KCND3: variants seen among roughly 807,000 people sequenced by gnomAD.
The protein encoded by KCND3 is A-type voltage-gated potassium channel KCND3.
A neutral mutation model predicts 51.1 loss-of-function variants in KCND3; 9 were observed. That is an observed-to-expected ratio of 0.18 (90% CI 0.11 to 0.31). The LOEUF (loss-of-function observed/expected upper bound fraction) is 0.31. Ranked by LOEUF, KCND3 falls within the 10% of genes least tolerant of loss-of-function variation. The pLI is 1.00. For synonymous variants in KCND3, 349 were observed against 368.0 expected, an observed-to-expected ratio of 0.95 and a Z score of 0.59; for missense variants, 526 against 903.8, an observed-to-expected ratio of 0.58 and a Z score of 5.36.
At chr1:111,814,503 G>A (rs1183874110) in intron 2 of KCND3, among the ~76,000 whole-genome samples, 16 of 152,216 alleles carry the variant, frequency 1.1e-4, no homozygotes, top group Admixed American at 1.0e-3. Flanking sequence ...AACTTAGCAC[G>A]AGCTCTGCGT....
In KCND3 at chr1:111,922,652, C is replaced by T. The variant is rs115811611; in HGVS notation, c.1106+58969G>A. ...GTTAGGAAGATTAATTCAGTTAATA[C>T]ATGTAAGGGCTCTGAACAGTACCTG... is the stretch of plus-strand genomic sequence containing the variant. On this transcript the variant is annotated intron_variant, in intron 2 of 7. Coordinates refer to ENST00000302127, the MANE Select transcript of KCND3 (RefSeq NM_001378969.1). Among the ~76,000 whole-genome samples the T allele has an allele frequency of 2.4e-3, 363 of 152,296 alleles. 3 individuals are homozygous for T. The highest frequency in any genetic ancestry group is 8.5e-3 in the African/African-American group (353 of 41,548).
At chr1:111,827,265 G>A (rs2101611383) in intron 2 of KCND3, among the ~76,000 whole-genome samples, 1 of 152,344 alleles carries the variant, frequency 6.6e-6, no homozygotes, top group East Asian at 1.9e-4. Context: ...TTGCCCATGA[G>A]TGAAAGCAGA....
At chr1:111,920,606 G>A (rs1671432145) in intron 2 of KCND3, among the ~76,000 whole-genome samples, 1 of 152,216 alleles carries the variant, frequency 6.6e-6, no homozygotes, top group South Asian at 2.1e-4. Flanking sequence ...TGCAGCCCCT[G>A]TGGGGGTCCA....
At chr1:111,865,911 G>A (rs1445491783) in intron 2 of KCND3, among the ~76,000 whole-genome samples, 1 of 152,122 alleles carries the variant, frequency 6.6e-6, no homozygotes, top group African/African-American at 2.4e-5. Flanking sequence ...TCACCATGTT[G>A]CCTAGGCTGG....
At chr1:111,911,783 C>T (rs59015726) in intron 2 of KCND3, among the ~76,000 whole-genome samples, 4 of 152,132 alleles carry the variant, frequency 2.6e-5, no homozygotes, top group Non-Finnish European at 5.9e-5. Flanking sequence ...GAAAGTCATA[C>T]AAAATATATG....
At chr1:111,849,509 G>A (rs2101660068) in intron 2 of KCND3, among the ~76,000 whole-genome samples, 1 of 152,310 alleles carries the variant, frequency 6.6e-6, no homozygotes, top group African/African-American at 2.4e-5. Context: ...CAGTGCCCCT[G>A]AGTCCCTCTA....
rs1430593612 is a variant in KCND3, at chr1:111,981,244, T to C, written c.1106+377A>G. 1.3e-5 allele frequency among the ~76,000 whole-genome samples: 2 copies of C among 151,834 alleles called. No individual in the cohort carries two copies. The highest frequency in any genetic ancestry group is 6.6e-5 in the Admixed American group (1 of 15,248). On this transcript the variant is annotated intron_variant, in intron 2 of 7. Coordinates refer to ENST00000302127, the MANE Select transcript of KCND3 (RefSeq NM_001378969.1). This position sits in a 1 kb window ranked among gnomAD's most constrained non-coding sequence, Gnocchi z 6.2. The stretch of plus-strand genomic sequence containing the variant: ...CCGAACTTCTCAACAGTCTCCTCCC[T>C]CCCCAACAACTGCCCTGACCTTCTC...
intron 2 of KCND3, among the ~76,000 whole-genome samples, chr1:111,913,993 C>G (rs534064516): frequency 2.6e-5 from 4 of 152,086 alleles, no homozygotes; most frequent in Non-Finnish European, 4.4e-5. Flanking sequence ...TAGAAAATGA[C>G]TCAGAAATGC....
At chr1:111,877,263 G>A (rs920684432) in intron 2 of KCND3, among the ~76,000 whole-genome samples, 3 of 152,234 alleles carry the variant, frequency 2.0e-5, no homozygotes, top group Non-Finnish European at 2.9e-5. Context: ...TGTCTGAAGC[G>A]TCAATGATCT....
At chr1:111,927,927 C>T (rs1416990264) in intron 2 of KCND3, among the ~76,000 whole-genome samples, 1 of 152,128 alleles carries the variant, frequency 6.6e-6, no homozygotes, top group Non-Finnish European at 1.5e-5. Context: ...CGTTCCTCTT[C>T]CCAGACACAG....
At chr1:111,887,411 C>T (rs986950776) in intron 2 of KCND3, among the ~76,000 whole-genome samples, 3 of 152,054 alleles carry the variant, frequency 2.0e-5, no homozygotes, top group African/African-American at 7.2e-5. Context: ...GGTGGTCATA[C>T]CAGAGAAGGA....
At chr1:111,841,436 C>G (rs201385038) in intron 2 of KCND3, among the ~76,000 whole-genome samples, 4 of 151,922 alleles carry the variant, frequency 2.6e-5, no homozygotes, top group Non-Finnish European at 5.9e-5. Context: ...TATCAGAAAA[C>G]GAATTGTTCC....
intron 2 of KCND3, among the ~76,000 whole-genome samples, chr1:111,842,216 G>T (rs1234576254): frequency 6.6e-6 from 1 of 152,170 alleles, no homozygotes; most frequent in Non-Finnish European, 1.5e-5. Flanking sequence ...CAGGCAGAAG[G>T]GCTGATGGTG....
At chr1:111,781,564 G>A (rs1664387086) in intron 3 of KCND3, among the ~76,000 whole-genome samples, 1 of 152,176 alleles carries the variant, frequency 6.6e-6, no homozygotes, top group Non-Finnish European at 1.5e-5. Context: ...CTGTCACCCA[G>A]GCTGGTGTGC....
At chr1:111,880,450 C>A (rs1445208582) in intron 2 of KCND3, among the ~76,000 whole-genome samples, 1 of 152,140 alleles carries the variant, frequency 6.6e-6, no homozygotes, top group African/African-American at 2.4e-5. Flanking sequence ...TGAGGTGAGA[C>A]CCCTGTGGCC....
intron 2 of KCND3, among the ~76,000 whole-genome samples, chr1:111,868,772 G>A (rs896985296): frequency 6.6e-6 from 1 of 152,050 alleles, no homozygotes; most frequent in African/African-American, 2.4e-5. Flanking sequence ...GCCTTGCTTT[G>A]TCACCCAGGC....
chr1:111,840,915 A>G (rs1667295290), intron 2 of KCND3, among the ~76,000 whole-genome samples: 1 of 152,238 alleles, frequency 6.6e-6, no homozygotes, highest in African/African-American at 2.4e-5. Flanking sequence ...GCACTGTTCT[A>G]GGCAGAGGGG....
At chr1:111,972,908 T>C (rs1325671348) in intron 2 of KCND3, among the ~76,000 whole-genome samples, 1 of 152,244 alleles carries the variant, frequency 6.6e-6, no homozygotes, top group Non-Finnish European at 1.5e-5. Flanking sequence ...TTAATTCTCT[T>C]AGTTTTCTTT....
At chr1:111,922,367 C>T (rs1671510459) in intron 2 of KCND3, among the ~76,000 whole-genome samples, 1 of 152,194 alleles carries the variant, frequency 6.6e-6, no homozygotes, top group South Asian at 2.1e-4. Flanking sequence ...GGGGTTCTTC[C>T]CACACACCAG....
Sources: gnomAD v4.1 joint callset for allele counts (sites outside exome capture counted in the v4.1 genomes callset) on GRCh38, gnomAD v4.1.1 for gene constraint, Gnocchi (gnomAD v3.1) non-coding constraint, MANE v1.5 for transcripts, NCBI Gene and HGNC (gene_info 2026-07-23, HGNC 2026-07-21) for gene names.